The following PHACTR2 variants were observed in gnomAD, a reference collection of about 807,000 sequenced individuals.
PHACTR2 encodes chromosome 6 open reading frame 56.
In PHACTR2, 30 loss-of-function variants were observed where a neutral mutation model predicts 76.0. The ratio of observed to expected loss-of-function variants is 0.39; its 90% CI spans 0.30 to 0.54. The LOEUF is 0.54. PHACTR2 is among the 20% of genes least tolerant of loss of function. The probability of loss-of-function intolerance (pLI) is 0.61; values close to 1 mark genes in which losing one functional copy is unlikely to be tolerated. For synonymous variants in PHACTR2, 292 were observed against 292.5 expected (o/e 1.00, Z 0.02); for missense variants, 696 against 781.1 (o/e 0.89, Z 1.30).
In PHACTR2 at chr6:143,753,146, A is replaced by G. The variant is rs1386246626; in HGVS notation, c.296-608A>G. 6.6e-6 allele frequency among the ~76,000 whole-genome samples: 1 copy of G among 151,904 alleles called. No individual in the cohort carries two copies. The highest frequency in any genetic ancestry group is 2.4e-5 in the African/African-American group (1 of 41,382). ...TTATATATAATAATTACCTGAGTAT[A>G]CTTTAATCTTTCCATAAACAAATAA... On this transcript the variant is annotated intron_variant, in intron 3 of 12. Coordinates refer to ENST00000440869, the MANE Select transcript of PHACTR2 (RefSeq NM_001100164.2). This position sits in a 1 kb window ranked among gnomAD's most constrained non-coding sequence, Gnocchi z 4.6.
At position 143,765,244 on chromosome 6, in the gene PHACTR2, A is replaced by G. The variant is rs776396073; in HGVS notation, c.695-17A>G. 1 of 1,574,200 alleles carries G rather than the reference A, an allele frequency of 6.4e-7. No homozygotes were observed. Among genetic ancestry groups the G allele is most frequent in the Non-Finnish European group, 8.6e-7 (1 of 1,160,230 alleles). ...TTGTATTCTTTGATTTTTTAATGCA[A>G]GGTCTCTCTATTGTAGCTGGCTCCT... is the stretch of plus-strand genomic sequence containing the variant. On this transcript the variant is annotated splice_polypyrimidine_tract_variant and intron_variant, in intron 5 of 12. Coordinates refer to ENST00000440869, the MANE Select transcript of PHACTR2 (RefSeq NM_001100164.2). The surrounding 1 kb of genome is among the most constrained non-coding windows in gnomAD (Gnocchi z 4.1).
chr6:143,784,554 T>A lies in PHACTR2; in HGVS notation c.1707+1274T>A, dbSNP rs1314653976. On this transcript the variant is annotated intron_variant, in intron 10 of 12. Transcript: ENST00000440869. This position sits in a 1 kb window ranked among gnomAD's most constrained non-coding sequence, Gnocchi z 4.5. Reference sequence around the variant, plus strand: ...AGCATTCCAAGGCAGATGGAGGCAATGCTTCATTCCCACAGAAAAGCTATG... The same window carrying A: ...AGCATTCCAAGGCAGATGGAGGCAAAGCTTCATTCCCACAGAAAAGCTATG... Among the ~76,000 whole-genome samples the A allele has an allele frequency of 6.6e-6, 1 of 152,152 alleles. No individual in the cohort carries two copies. Among genetic ancestry groups the A allele is most frequent in the Non-Finnish European group, 1.5e-5 (1 of 68,020 alleles).
chr6:143,553,919 TA>T lies in PHACTR2; in HGVS notation c.217+16714del, dbSNP rs1775130128. Among the ~76,000 whole-genome samples the T allele has an allele frequency of 6.6e-6, 1 of 151,576 alleles. No homozygotes were observed. Among genetic ancestry groups the T allele is most frequent in the African/African-American group, 2.4e-5 (1 of 41,216 alleles). ...ATTTGAAGAAAGGCCTGAGAGAAGT[TA>T]AGGGGTGATCCTTCCAGGCAGAGAG... On this transcript the variant is annotated intron_variant, in intron 1 of 11. Transcript: ENST00000367584. This position sits in a 1 kb window ranked among gnomAD's most constrained non-coding sequence, Gnocchi z 4.2.
rs1267456802 is a variant in PHACTR2 at position 143,731,276 on chromosome 6, C to CTG, written c.215-17705_215-17704dup. On this transcript the variant is annotated intron_variant, in intron 2 of 12. Coordinates refer to ENST00000440869, the MANE Select transcript of PHACTR2 (RefSeq NM_001100164.2). This position sits in a 1 kb window ranked among gnomAD's most constrained non-coding sequence, Gnocchi z 4.9. ...TTTTGCATCCTTAGGATAAGTCCCA[C>CTG]TGTGTTGTTTTGTTTTGTTTTGTTT... 3.6e-5 allele frequency among the ~76,000 whole-genome samples: 5 copies of CTG among 138,238 alleles called. No homozygotes were observed. Among genetic ancestry groups the CTG allele is most frequent in the African/African-American group, 1.3e-4 (5 of 39,280 alleles). 90.7% of individuals were successfully genotyped at this position (138,238 alleles called of 152,430 possible). A position where few individuals can be genotyped will look rare whatever the true frequency, so the allele number is the denominator to read the frequency against.
intron 1 of PHACTR2, among the ~76,000 whole-genome samples, chr6:143,574,334 T>C (rs1775481539): frequency 6.6e-6 from 1 of 152,262 alleles, no homozygotes; most frequent in East Asian, 1.9e-4. Context: ...CCACATTCTA[T>C]CGATAAAAAC....
In PHACTR2 at chr6:143,823,453, T is replaced by A. The variant is rs1378915042; in HGVS notation, c.1923-221T>A. ...ATCTTTTATATAAGGTTTCCTTATA[T>A]GCTTATATGTAAACATATATATAAG... On this transcript the variant is annotated intron_variant, in intron 12 of 12. Coordinates refer to ENST00000440869, the MANE Select transcript of PHACTR2 (RefSeq NM_001100164.2). The surrounding 1 kb of genome is among the most constrained non-coding windows in gnomAD (Gnocchi z 5.7). Among the ~76,000 whole-genome samples the A allele has an allele frequency of 2.0e-5, 3 of 152,232 alleles. No individual in the cohort carries two copies. The highest frequency in any genetic ancestry group is 4.4e-5 in the Non-Finnish European group (3 of 68,036).
rs12204134 is a variant in PHACTR2, at chr6:143,627,463, G to A, written c.13+19141G>A. Among the ~76,000 whole-genome samples, 1 of 151,952 alleles carries A rather than the reference G, an allele frequency of 6.6e-6. No individual in the cohort carries two copies. Among genetic ancestry groups the A allele is most frequent in the Non-Finnish European group, 1.5e-5 (1 of 68,004 alleles). ...GTAATATACTCAGCTACTACGTCAG[G>A]TAGCCTTGCGGAATTCAAGAGTCTT... On this transcript the variant is annotated intron_variant, in intron 1 of 11. Transcript: ENST00000305766. The surrounding 1 kb of genome is among the most constrained non-coding windows in gnomAD (Gnocchi z 4.3).
rs533648061 is a variant in PHACTR2, at chr6:143,697,528, T to C, written c.47-14488T>C. ...GATGAATTGTCTTTCAATTACCTTG[T>C]AAAGAGCAATTAAGTGTTTGCTTAC... On this transcript the variant is annotated intron_variant, in intron 1 of 12. Transcript: ENST00000440869. This position sits in a 1 kb window ranked among gnomAD's most constrained non-coding sequence, Gnocchi z 4.4. Among the ~76,000 whole-genome samples the C allele has an allele frequency of 6.6e-6, 1 of 152,384 alleles. No individual in the cohort carries two copies. Among genetic ancestry groups the C allele is most frequent in the African/African-American group, 2.4e-5 (1 of 41,604 alleles).
At chr6:143,762,850 A>G (rs1434626524) in intron 5 of PHACTR2, among the ~76,000 whole-genome samples, 1 of 152,198 alleles carries the variant, frequency 6.6e-6, no homozygotes, top group Non-Finnish European at 1.5e-5. Context: ...TATTAACAAC[A>G]AAAGTACTTA....
rs1776563190 is a variant in PHACTR2 at position 143,827,194 on chromosome 6, A to ATATATATATG, written c.*3510_*3511insATATGTATAT. 5 of 121,788 alleles carry ATATATATATG rather than the reference A, an allele frequency of 4.1e-5. No individual in the cohort carries two copies. The highest frequency in any genetic ancestry group is 1.5e-4 in the African/African-American group (5 of 33,656). 7.5% of individuals were successfully genotyped at this position (121,788 alleles called of 1,614,324 possible). A position where few individuals can be genotyped will look rare whatever the true frequency, so the allele number is the denominator to read the frequency against. On this transcript the variant is annotated 3_prime_UTR_variant, in exon 13 of 13. Coordinates refer to ENST00000440869, the MANE Select transcript of PHACTR2 (RefSeq NM_001100164.2). ...TATATATATATATATATATATATAT[A>ATATATATATG]TATATGTATATTATATATACAGTAG...
chr6:143,582,090 A>G (rs1407103884), intron 1 of PHACTR2, among the ~76,000 whole-genome samples: 2 of 152,192 alleles, frequency 1.3e-5, no homozygotes, highest in East Asian at 1.9e-4. Flanking sequence ...ACACCCTCAC[A>G]TAGATTTGGC....
rs1258346066 is a variant in PHACTR2 at position 143,580,120 on chromosome 6, G to C, written c.217+42913G>C. 6.6e-6 allele frequency among the ~76,000 whole-genome samples: 1 copy of C among 152,164 alleles called. No homozygotes were observed. Among genetic ancestry groups the C allele is most frequent in the Non-Finnish European group, 1.5e-5 (1 of 68,026 alleles). ...ATGAGCCAGAAAGAAAATCAAGAGAGGGATAGCAAGATGGGAGTCATGATC... is the reference window on the plus strand; with the variant it reads ...ATGAGCCAGAAAGAAAATCAAGAGACGGATAGCAAGATGGGAGTCATGATC... On this transcript the variant is annotated intron_variant, in intron 1 of 11. Transcript: ENST00000367584. This position sits in a 1 kb window ranked among gnomAD's most constrained non-coding sequence, Gnocchi z 4.2.
At chr6:143,804,924 A>G (rs1341407996) in intron 11 of PHACTR2, among the ~76,000 whole-genome samples, 1 of 152,220 alleles carries the variant, frequency 6.6e-6, no homozygotes, top group Admixed American at 6.5e-5. Flanking sequence ...ACAGTGTACA[A>G]AGCACTTTCA....
At position 143,764,282 on chromosome 6, in the gene PHACTR2, G is replaced by C. The variant is rs987040747; in HGVS notation, c.695-979G>C. On this transcript the variant is annotated intron_variant, in intron 5 of 12. Coordinates refer to ENST00000440869, the MANE Select transcript of PHACTR2 (RefSeq NM_001100164.2). This position sits in a 1 kb window ranked among gnomAD's most constrained non-coding sequence, Gnocchi z 4.7. The stretch of plus-strand genomic sequence containing the variant: ...GCCACCAAAGCCTCTCACTTTGGGA[G>C]GCTGAGATGGGTGAATCCCTTGAGC... Among the ~76,000 whole-genome samples the C allele has an allele frequency of 6.6e-6, 1 of 152,134 alleles. No homozygotes were observed. Among genetic ancestry groups the C allele is most frequent in the Non-Finnish European group, 1.5e-5 (1 of 68,028 alleles).
chr6:143,544,499 T>A (rs1204460557), intron 1 of PHACTR2, among the ~76,000 whole-genome samples: 2 of 151,972 alleles, frequency 1.3e-5, no homozygotes, highest in Admixed American at 6.5e-5. Flanking sequence ...CTATGCTAGG[T>A]TTCCTTATAT....
At chr6:143,762,848 A>T (rs1378894418) in intron 5 of PHACTR2, among the ~76,000 whole-genome samples, 1 of 152,230 alleles carries the variant, frequency 6.6e-6, no homozygotes, top group Non-Finnish European at 1.5e-5. Context: ...ATTATTAACA[A>T]CAAAAGTACT....
chr6:143,576,307 G>T (rs76482972), intron 1 of PHACTR2, among the ~76,000 whole-genome samples: 4 of 152,112 alleles, frequency 2.6e-5, no homozygotes, highest in African/African-American at 7.2e-5. Flanking sequence ...CTCTTCTCAC[G>T]CATTTTCTAG....
In PHACTR2 at chr6:143,546,110, C is replaced by A. The variant is rs867411645; in HGVS notation, c.217+8903C>A. Among the ~76,000 whole-genome samples, 1 of 152,140 alleles carries A rather than the reference C, an allele frequency of 6.6e-6. No individual in the cohort carries two copies. Among genetic ancestry groups the A allele is most frequent in the Non-Finnish European group, 1.5e-5 (1 of 68,034 alleles). On this transcript the variant is annotated intron_variant, in intron 1 of 11. Transcript: ENST00000367584. This position sits in a 1 kb window ranked among gnomAD's most constrained non-coding sequence, Gnocchi z 4.9. ...AACTCAGGAAAAAACATTGAAGCAG[C>A]TTTAGTGTTTTTAAAATACCATGCT...
At position 143,824,178 on chromosome 6, in the gene PHACTR2, G is replaced by A. The variant is rs565624668; in HGVS notation, c.*489G>A. ...TTTTTGAAGTAGTTATTCGGTAGCTGAGAACTTATTAAGGGATTTAGGAAT... is the reference window on the plus strand; with the variant it reads ...TTTTTGAAGTAGTTATTCGGTAGCTAAGAACTTATTAAGGGATTTAGGAAT... On this transcript the variant is annotated 3_prime_UTR_variant, in exon 13 of 13. Coordinates refer to ENST00000440869, the MANE Select transcript of PHACTR2 (RefSeq NM_001100164.2). This position sits in a 1 kb window ranked among gnomAD's most constrained non-coding sequence, Gnocchi z 6.3. The A allele has an allele frequency of 6.3e-6, 1 of 159,778 alleles. No homozygotes were observed. Among genetic ancestry groups the A allele is most frequent in the Non-Finnish European group, 1.4e-5 (1 of 72,000 alleles). The allele number at this position is 159,778 out of a possible 1,614,324, so 9.9% of individuals were successfully genotyped here.
Sources: gnomAD v4.1 joint callset for allele counts (sites outside exome capture counted in the v4.1 genomes callset) on GRCh38, gnomAD v4.1.1 for gene constraint, Gnocchi (gnomAD v3.1) non-coding constraint, MANE v1.5 for transcripts, NCBI Gene and HGNC (gene_info 2026-07-23, HGNC 2026-07-21) for gene names.